Variants in EVI5 observed in about 807,000 individuals in gnomAD.
The protein encoded by EVI5 is ecotropic viral integration site 5.
Under a neutral mutation model 112.0 loss-of-function variants are expected in EVI5, and 73 were observed. That is an observed-to-expected ratio of 0.65 (90% CI 0.54 to 0.79). EVI5 has a LOEUF of 0.79. Among genes scored for constraint, EVI5 ranks in the 30% least tolerant of loss-of-function variants. The probability of loss-of-function intolerance (pLI) is 0.00; values close to 1 mark genes in which losing one functional copy is unlikely to be tolerated. For missense variants in EVI5, 900 were observed against 968.8 expected (o/e 0.93, Z 0.94); for synonymous variants, 305 against 319.9 (o/e 0.95, Z 0.50).
Position 92,702,144 on chromosome 1 carries a change from C to T in EVI5, c.636G>A (p.Met212Ile). 6.9e-7 allele frequency: 1 copy of T among 1,458,776 alleles called. No individual in the cohort carries two copies. Among genetic ancestry groups the T allele is most frequent in the Non-Finnish European group, 9.3e-7 (1 of 1,080,906 alleles). 90.4% of individuals were successfully genotyped at this position (1,458,776 alleles called of 1,614,324 possible). ...TTTAATACTTATATTAACTTACCTG[C>T]ATAAGCAACAATCCAACTATAAAAG... ...GSAFIVGLLL[M>I]QMPEEEAFCV... The change falls in exon 5 of 20, where the codon ATG becomes ATA. Residue 212 changes from methionine to isoleucine, a missense_variant. Physicochemically the swap from Met to Ile is conservative, Grantham distance 10. Transcript: ENST00000684568.
chr1:92,619,311 G>A (rs142894901), intron 16 of EVI5, among the ~76,000 whole-genome samples: 3 of 152,088 alleles, frequency 2.0e-5, no homozygotes, highest in Non-Finnish European at 4.4e-5. Flanking sequence ...CATCCTGGAT[G>A]CTTCCTGTCC....
intron 15 of EVI5, among the ~76,000 whole-genome samples, chr1:92,624,850 G>C (rs948996528): frequency 1.3e-5 from 2 of 152,164 alleles, no homozygotes; most frequent in Non-Finnish European, 2.9e-5. Flanking sequence ...TTCCCAACTG[G>C]GGCAATTTTG....
At chr1:92,539,560 A>AAAACC (rs1664467744) in intron 19 of EVI5, among the ~76,000 whole-genome samples, 5 of 137,726 alleles carry the variant, frequency 3.6e-5, no homozygotes, top group African/African-American at 5.5e-5. Flanking sequence ...AAAAAAAAAA[A>AAAACC]AAAAAATCTT....
intron 2 of EVI5, among the ~76,000 whole-genome samples, chr1:92,727,876 C>T (rs1675820569): frequency 6.6e-6 from 1 of 151,790 alleles, no homozygotes; most frequent in African/African-American, 2.4e-5. Flanking sequence ...ATTTTGTAGT[C>T]CCAGCTACTT....
intron 1 of EVI5, among the ~76,000 whole-genome samples, 183 bp from the exon 2 acceptor site, chr1:92,736,810 G>C (rs1677524693): frequency 1.3e-5 from 2 of 152,062 alleles, no homozygotes; most frequent in Admixed American, 1.3e-4. Flanking sequence ...GTTTATTTCA[G>C]TTCTGCAGCA....
At chr1:92,655,198 GA>G (rs559900238) in intron 13 of EVI5, among the ~76,000 whole-genome samples, 3,906 of 143,284 alleles carry the variant, frequency 0.027, 80 homozygotes, top group Middle Eastern at 0.043. Context: ...CAACATGAAG[GA>G]AAAAAAAAAA....
intron 14 of EVI5, among the ~76,000 whole-genome samples, chr1:92,627,077 T>C (rs767737950): frequency 1.4e-4 from 22 of 152,206 alleles, no homozygotes; most frequent in Non-Finnish European, 2.9e-4. Flanking sequence ...GTAAGTTCTT[T>C]AGTGGTGATT....
intron 2 of EVI5, among the ~76,000 whole-genome samples, chr1:92,727,471 A>G (rs566304252): frequency 6.6e-6 from 1 of 152,322 alleles, no homozygotes; most frequent in South Asian, 2.1e-4. Flanking sequence ...AGGTATTTCA[A>G]CTAGATCTCT....
chr1:92,695,036 A>C (rs1670083791), intron 7 of EVI5, among the ~76,000 whole-genome samples: 2 of 152,184 alleles, frequency 1.3e-5, no homozygotes, highest in African/African-American at 4.8e-5. Context: ...CCTATGTTTG[A>C]ATCCTGGTTA....
Position 92,513,920 on chromosome 1 carries a change from A to T in EVI5, c.2217T>A (p.Asp739Glu). 1 of 1,598,006 alleles carries T rather than the reference A, an allele frequency of 6.3e-7. No homozygotes were observed. The highest frequency in any genetic ancestry group is 1.1e-5 in the South Asian group (1 of 89,038). The change falls in exon 20 of 20, where the codon GAT becomes GAA. Residue 739 changes from aspartate (D) to glutamate (E), a missense_variant. Coordinates refer to ENST00000684568, the MANE Select transcript of EVI5 (RefSeq NM_001350197.2). ...QRGFSGQPPFDGIHIVNHLIG... is the reference protein window; with the variant it reads ...QRGFSGQPPFEGIHIVNHLIG... ...TTAAATGGTTGACAATGTGGATTCC[A>T]TCAAAAGGAGGTTGGCCTGAGAAGC...
intron 1 of EVI5, among the ~76,000 whole-genome samples, chr1:92,772,197 G>C (rs1253670524): frequency 6.6e-6 from 1 of 151,908 alleles, no homozygotes; most frequent in African/African-American, 2.4e-5. Context: ...ATTCTGATTT[G>C]TCACTCAACT....
At chr1:92,731,739 A>G (rs6664425) in intron 2 of EVI5, among the ~76,000 whole-genome samples, 2,896 of 152,330 alleles carry the variant, frequency 0.019, 109 homozygotes, top group African/African-American at 0.065. Flanking sequence ...AAATAGACTC[A>G]TACACATACA....
At chr1:92,550,897 G>C (rs1444852825) in intron 19 of EVI5, among the ~76,000 whole-genome samples, 1 of 129,934 alleles carries the variant, frequency 7.7e-6, no homozygotes, top group Admixed American at 8.1e-5. Flanking sequence ...CAATATTCAG[G>C]AAGAATATAA....
chr1:92,711,287 T>C (rs1231816872), intron 2 of EVI5, among the ~76,000 whole-genome samples: 1 of 152,138 alleles, frequency 6.6e-6, no homozygotes, highest in Non-Finnish European at 1.5e-5. Context: ...CAAACAAAAA[T>C]CTGGTAATTA....
At chr1:92,660,863 A>G (rs1663878087) in intron 13 of EVI5, among the ~76,000 whole-genome samples, 1 of 152,022 alleles carries the variant, frequency 6.6e-6, no homozygotes. Flanking sequence ...TGATTGTGGT[A>G]GTGTTTCATA....
At chr1:92,594,010 G>T (rs567671882) in intron 18 of EVI5, among the ~76,000 whole-genome samples, 1 of 152,292 alleles carries the variant, frequency 6.6e-6, no homozygotes, top group Non-Finnish European at 1.5e-5. Context: ...GTAATTTATA[G>T]ATTCAATGCC....
intron 14 of EVI5, among the ~76,000 whole-genome samples, chr1:92,627,091 G>A (rs1655842199): frequency 6.6e-6 from 1 of 152,138 alleles, no homozygotes; most frequent in Non-Finnish European, 1.5e-5. Flanking sequence ...GGTGATTTGT[G>A]AGATTTTGGT....
chr1:92,701,588 C>G (rs1383857492), intron 5 of EVI5, among the ~76,000 whole-genome samples: 1 of 152,048 alleles, frequency 6.6e-6, no homozygotes, highest in African/African-American at 2.4e-5. Context: ...CCCTTCAAAG[C>G]TATGATTATC....
chr1:92,727,381 A>G (rs1445028202), intron 2 of EVI5, among the ~76,000 whole-genome samples: 3 of 152,186 alleles, frequency 2.0e-5, no homozygotes, highest in Admixed American at 6.5e-5. Context: ...TTTGCTCATA[A>G]AAGGTTTGGC....
Sources: allele counts gnomAD v4.1 joint callset (sites outside exome capture counted in the v4.1 genomes callset), GRCh38; gene constraint gnomAD v4.1.1; transcripts MANE v1.5; gene names NCBI Gene and HGNC (gene_info 2026-07-23, HGNC 2026-07-21).